PTCHD4: variants seen among roughly 807,000 people sequenced by gnomAD.
PTCHD4 encodes the protein patched domain-containing protein 4.
Under a neutral mutation model 58.1 loss-of-function variants are expected in PTCHD4, and 33 were observed. That is an observed-to-expected ratio of 0.57 (90% confidence interval 0.43 to 0.76). PTCHD4 has a LOEUF of 0.76. Ranked by LOEUF, PTCHD4 falls within the 30% of genes least tolerant of loss-of-function variation. The pLI, the probability that PTCHD4 is intolerant of heterozygous loss-of-function variation, is 0.00. For synonymous variants in PTCHD4, 478 were observed against 409.6 expected (o/e 1.17, Z -2.02); for missense variants, 1,058 against 1,027.1 (o/e 1.03, Z -0.41).
chr6:48,102,869 C>A (rs1349584454), intron 1 of PTCHD4, among the ~76,000 whole-genome samples: 2 of 152,196 alleles, frequency 1.3e-5, no homozygotes, highest in Non-Finnish European at 2.9e-5. Context: ...GCACAGCAGT[C>A]TGAGATCAAA....
intron 4 of PTCHD4, among the ~76,000 whole-genome samples, chr6:47,965,826 A>C (rs542435701): frequency 6.6e-6 from 1 of 152,230 alleles, no homozygotes; most frequent in African/African-American, 2.4e-5. Flanking sequence ...GAGGCAGGAG[A>C]ATGGCATGAA....
chr6:48,081,653 G>A (rs1011120512), intron 1 of PTCHD4, among the ~76,000 whole-genome samples: 12 of 152,096 alleles, frequency 7.9e-5, no homozygotes, highest in Non-Finnish European at 1.8e-4. Context: ...TGACATCAAA[G>A]GAAGTACATA....
At chr6:48,030,767 C>T (rs1008776822) in intron 3 of PTCHD4, among the ~76,000 whole-genome samples, 4 of 152,124 alleles carry the variant, frequency 2.6e-5, no homozygotes, top group African/African-American at 9.7e-5. Flanking sequence ...GTGATACCAA[C>T]CAAACATCTA....
intron 4 of PTCHD4, among the ~76,000 whole-genome samples, chr6:47,924,708 T>C (rs975430331): frequency 6.6e-6 from 1 of 152,212 alleles, no homozygotes; most frequent in African/African-American, 2.4e-5. Context: ...CAATTTTCAC[T>C]GAGACTTTGT....
chr6:48,072,780 G>T (rs1341783981), intron 1 of PTCHD4, among the ~76,000 whole-genome samples: 1 of 151,990 alleles, frequency 6.6e-6, no homozygotes, highest in Non-Finnish European at 1.5e-5. Flanking sequence ...CTCATCTATT[G>T]CTACATAGAT....
intron 4 of PTCHD4, among the ~76,000 whole-genome samples, chr6:47,921,358 A>T (rs1765426817): frequency 6.6e-6 from 1 of 152,062 alleles, no homozygotes; most frequent in Non-Finnish European, 1.5e-5. Flanking sequence ...AAATGATCTT[A>T]TCTTTTGGCT....
chr6:47,990,369 C>T (rs367633397), intron 4 of PTCHD4, among the ~76,000 whole-genome samples: 42 of 152,068 alleles, frequency 2.8e-4, no homozygotes, highest in African/African-American at 8.2e-4. Flanking sequence ...TTGGAGGGGC[C>T]GGGGCAGAAT....
chr6:47,879,837 AC>A lies in PTCHD4; in HGVS notation c.997del (p.Val333Ter). On this transcript the variant is annotated frameshift_variant, in exon 5 of 5. Coordinates refer to ENST00000339488, the MANE Select transcript of PTCHD4 (RefSeq NM_001384253.1). LOFTEE classifies it high-confidence loss of function. ...GCTGGTCATGGTATAGGTGACCATC[AC>A]ATCAGAATAGGCATCTGCTATCCTG... ...KDRIADAYSD[V>X]MVTYTMTSSL... is the part of the protein sequence containing the mutation. 1 of 1,612,486 alleles carries A rather than the reference AC, an allele frequency of 6.2e-7. No individual in the cohort carries two copies. The highest frequency in any genetic ancestry group is 1.7e-5 in the Admixed American group (1 of 59,752).
chr6:47,884,753 G>T (rs1229000449), intron 4 of PTCHD4, among the ~76,000 whole-genome samples: 1 of 152,280 alleles, frequency 6.6e-6, no homozygotes, highest in Non-Finnish European at 1.5e-5. Flanking sequence ...GAGGAATTTT[G>T]TTCTTACTAA....
At chr6:48,006,754 G>A (rs954573080) in intron 4 of PTCHD4, among the ~76,000 whole-genome samples, 5 of 151,964 alleles carry the variant, frequency 3.3e-5, no homozygotes, top group African/African-American at 4.8e-5. Flanking sequence ...TAAAGCCAAG[G>A]GCTGTTTTCT....
rs563415571 is a variant in PTCHD4 at position 47,912,609 on chromosome 6, C to T, written c.899-32673G>A. Among the ~76,000 whole-genome samples the T allele has an allele frequency of 1.9e-3, 283 of 152,102 alleles. 1 individual carries two copies. Among genetic ancestry groups the T allele is most frequent in the African/African-American group, 6.3e-3 (263 of 41,524 alleles). The stretch of plus-strand genomic sequence containing the variant: ...CCTTCATACCTTCTTTGAATGTTTT[C>T]TTTTTCAGACATTTAATAATTCAAA... On this transcript the variant is annotated intron_variant, in intron 4 of 4. Coordinates refer to ENST00000339488, the MANE Select transcript of PTCHD4 (RefSeq NM_001384253.1).
At chr6:48,014,391 T>C (rs945459420) in intron 3 of PTCHD4, among the ~76,000 whole-genome samples, 14 of 152,112 alleles carry the variant, frequency 9.2e-5, no homozygotes, top group Admixed American at 7.2e-4. Flanking sequence ...ATAAGAAATA[T>C]TGTAATTATC....
intron 3 of PTCHD4, among the ~76,000 whole-genome samples, chr6:48,044,771 G>A (rs1763974836): frequency 6.6e-6 from 1 of 151,796 alleles, no homozygotes; most frequent in Admixed American, 6.6e-5. Flanking sequence ...GAATAAGATA[G>A]GAATTTTGAG....
Position 48,068,177 on chromosome 6 carries a change from T to C in PTCHD4, c.417+53A>G. The C allele has an allele frequency of 1.1e-5, 16 of 1,497,420 alleles. No individual in the cohort carries two copies. The highest frequency in any genetic ancestry group is 1.1e-5 in the Non-Finnish European group (12 of 1,116,506). 92.8% of individuals were successfully genotyped at this position (1,497,420 alleles called of 1,614,324 possible). On this transcript the variant is annotated intron_variant, in intron 3 of 4. Transcript: ENST00000339488. The surrounding 1 kb of genome is among the most constrained non-coding windows in gnomAD (Gnocchi z 4.2). The stretch of plus-strand genomic sequence containing the variant: ...ATCCAGCACGCATTTCTTATCCTGA[T>C]TTCTCAACACACACAGATGGGAAAA...
chr6:47,887,923 A>G (rs557729570), intron 4 of PTCHD4, among the ~76,000 whole-genome samples: 1 of 152,358 alleles, frequency 6.6e-6, no homozygotes, highest in Admixed American at 6.5e-5. Flanking sequence ...TGCTACTGCC[A>G]GGGACATGTA....
chr6:48,033,201 A>G (rs368064638), intron 3 of PTCHD4, among the ~76,000 whole-genome samples: 2 of 152,138 alleles, frequency 1.3e-5, no homozygotes, highest in African/African-American at 4.8e-5. Context: ...TTCCAGTATC[A>G]TGGGAAATCC....
At chr6:47,970,802 A>T (rs1037043230) in intron 4 of PTCHD4, among the ~76,000 whole-genome samples, 1 of 152,212 alleles carries the variant, frequency 6.6e-6, no homozygotes, top group Admixed American at 6.5e-5. Context: ...GCCCAGCAAC[A>T]CCAGTATCAC....
intron 3 of PTCHD4, among the ~76,000 whole-genome samples, chr6:48,052,672 A>G (rs1764273812): frequency 6.6e-6 from 1 of 152,092 alleles, no homozygotes; most frequent in South Asian, 2.1e-4. Context: ...TATAAGGCAG[A>G]TACGGATTCA....
chr6:48,108,179 T>C (rs1445380267), intron 1 of PTCHD4, among the ~76,000 whole-genome samples: 1 of 152,136 alleles, frequency 6.6e-6, no homozygotes, highest in Non-Finnish European at 1.5e-5. Context: ...CTATTCACAA[T>C]AGCAAAGACT....
Sources: gnomAD v4.1 joint callset for allele counts (sites outside exome capture counted in the v4.1 genomes callset) on GRCh38, gnomAD v4.1.1 for gene constraint, Gnocchi (gnomAD v3.1) non-coding constraint, MANE v1.5 for transcripts, NCBI Gene and HGNC (gene_info 2026-07-23, HGNC 2026-07-21) for gene names.